Variants in CPA6 observed in about 807,000 individuals in gnomAD.
CPA6 encodes the protein carboxypeptidase B.
In CPA6, 58 loss-of-function variants were observed where a neutral mutation model predicts 63.3. The observed-to-expected ratio is 0.92, with a 90% CI of 0.74 to 1.14. The LOEUF (loss-of-function observed/expected upper bound fraction) is 1.14, where lower values mean the gene tolerates loss of function less well. Among genes scored for constraint, CPA6 ranks in the 50% most tolerant of loss-of-function variants. The pLI is 0.00. For missense variants in CPA6, 565 were observed against 526.6 expected (o/e 1.07, Z -0.71); for synonymous variants, 185 against 179.0 (o/e 1.03, Z -0.27).
At position 67,542,944 on chromosome 8, in the gene CPA6, T is replaced by G. The variant is rs575822004; in HGVS notation, c.193-24897A>C. On this transcript the variant is annotated intron_variant, in intron 2 of 10. Coordinates refer to ENST00000297770, the MANE Select transcript of CPA6 (RefSeq NM_020361.5). ...CCCCTTTCCATCAAACTGCTGCTAT[T>G]TACTAGAATAAGAACCTATATTAAC... Among the ~76,000 whole-genome samples the G allele has an allele frequency of 2.6e-5, 4 of 152,346 alleles. No individual in the cohort carries two copies. In the South Asian group the frequency reaches 8.3e-4, roughly 32 times the overall value.
chr8:67,632,734 A>T (rs1283276987), intron 1 of CPA6, among the ~76,000 whole-genome samples: 1 of 152,166 alleles, frequency 6.6e-6, no homozygotes, highest in Non-Finnish European at 1.5e-5. Context: ...AAGCAGTGAG[A>T]TGTATTTTGG....
At chr8:67,579,640 A>G (rs747539899) in intron 2 of CPA6, among the ~76,000 whole-genome samples, 3 of 152,244 alleles carry the variant, frequency 2.0e-5, no homozygotes, top group Non-Finnish European at 2.9e-5. Context: ...ATTCTAGGGT[A>G]GAAAGACTTT....
intron 2 of CPA6, among the ~76,000 whole-genome samples, chr8:67,523,083 C>T (rs1356941577): frequency 6.6e-6 from 1 of 152,226 alleles, no homozygotes; most frequent in Non-Finnish European, 1.5e-5. Context: ...GGGTTTGAAT[C>T]CCAGCTCTGC....
At chr8:67,654,079 C>A (rs1435900170) in intron 1 of CPA6, among the ~76,000 whole-genome samples, 1 of 152,078 alleles carries the variant, frequency 6.6e-6, no homozygotes, top group Non-Finnish European at 1.5e-5. Context: ...GCCTTGCATC[C>A]CAGGGATGAA....
chr8:67,578,582 G>A (rs937685999), intron 2 of CPA6, among the ~76,000 whole-genome samples: 1 of 151,888 alleles, frequency 6.6e-6, no homozygotes, highest in African/African-American at 2.4e-5. Flanking sequence ...CACCCTGTCT[G>A]CATCTGGTGT....
At chr8:67,545,384 T>C (rs1319926488) in intron 2 of CPA6, among the ~76,000 whole-genome samples, 1 of 152,120 alleles carries the variant, frequency 6.6e-6, no homozygotes, top group Non-Finnish European at 1.5e-5. Flanking sequence ...TACTTCCTGG[T>C]CTACCTTCCA....
At chr8:67,610,068 C>T (rs1814765374) in intron 2 of CPA6, among the ~76,000 whole-genome samples, 1 of 147,848 alleles carries the variant, frequency 6.8e-6, no homozygotes, top group South Asian at 2.2e-4. Flanking sequence ...ACAAAAACCC[C>T]CCAAAAACCA....
intron 1 of CPA6, among the ~76,000 whole-genome samples, chr8:67,648,262 T>G (rs1362275055): frequency 6.7e-6 from 1 of 150,012 alleles, no homozygotes; most frequent in African/African-American, 2.4e-5. Context: ...GATTAGGTTT[T>G]TTTTTTTTTT....
chr8:67,570,508 A>C (rs545021006), intron 2 of CPA6, among the ~76,000 whole-genome samples: 2 of 152,318 alleles, frequency 1.3e-5, no homozygotes, highest in East Asian at 1.9e-4. Flanking sequence ...GCTAAAATAA[A>C]TTACCAAGGG....
intron 1 of CPA6, among the ~76,000 whole-genome samples, chr8:67,692,407 T>G (rs555311154): frequency 6.6e-6 from 1 of 151,562 alleles, no homozygotes; most frequent in South Asian, 2.1e-4. Flanking sequence ...CTTGCTAAAG[T>G]GTGAACTATG....
chr8:67,599,067 C>G (rs559363395), intron 2 of CPA6, among the ~76,000 whole-genome samples: 1 of 152,062 alleles, frequency 6.6e-6, no homozygotes, highest in South Asian at 2.1e-4. Context: ...CTTTAAGCTA[C>G]CTGGTTTAAG....
At chr8:67,720,207 A>T (rs1817468463) in intron 1 of CPA6, among the ~76,000 whole-genome samples, 1 of 132,178 alleles carries the variant, frequency 7.6e-6, no homozygotes, top group Non-Finnish European at 1.5e-5. Context: ...AGCCAGGATG[A>T]GCCAGGAAAA....
chr8:67,710,754 G>T (rs1330710816), intron 1 of CPA6, among the ~76,000 whole-genome samples: 1 of 151,068 alleles, frequency 6.6e-6, no homozygotes, highest in African/African-American at 2.4e-5. Flanking sequence ...AGTCTGTTGG[G>T]GGGGGCTTAG....
intron 9 of CPA6, among the ~76,000 whole-genome samples, chr8:67,430,679 T>C (rs762343966): frequency 2.2e-4 from 34 of 152,150 alleles, no homozygotes; most frequent in Non-Finnish European, 4.1e-4. Context: ...AACAATGGCA[T>C]TGTTGACATC....
intron 2 of CPA6, among the ~76,000 whole-genome samples, chr8:67,519,986 CT>C (rs1323368819): frequency 6.6e-6 from 1 of 151,542 alleles, no homozygotes; most frequent in Non-Finnish European, 1.5e-5. Context: ...GGTTTCTTGC[CT>C]TTATAAGAAA....
chr8:67,681,345 G>A lies in CPA6; in HGVS notation c.117-57094C>T, dbSNP rs376011803. Reference sequence around the variant, plus strand: ...CTGCCTCAGCCTCCCGAGTAGCTGGGACTACAGGCGCCCGCCACCGTGCCC... The same window carrying A: ...CTGCCTCAGCCTCCCGAGTAGCTGGAACTACAGGCGCCCGCCACCGTGCCC... On this transcript the variant is annotated intron_variant, in intron 1 of 10. Coordinates refer to ENST00000297770, the MANE Select transcript of CPA6 (RefSeq NM_020361.5). Among the ~76,000 whole-genome samples, 604 of 149,820 alleles carry A rather than the reference G, an allele frequency of 4.0e-3. 5 individuals carry two copies. The highest frequency in any genetic ancestry group is 0.014 in the African/African-American group (582 of 40,428).
intron 2 of CPA6, among the ~76,000 whole-genome samples, chr8:67,567,904 A>G (rs1374363226): frequency 6.6e-6 from 1 of 152,176 alleles, no homozygotes; most frequent in Non-Finnish European, 1.5e-5. Flanking sequence ...CATAGGGGAA[A>G]GAGTGCAGTT....
intron 1 of CPA6, among the ~76,000 whole-genome samples, chr8:67,689,390 G>T (rs2128997091): frequency 6.6e-6 from 1 of 152,246 alleles, no homozygotes; most frequent in Non-Finnish European, 1.5e-5. Context: ...CAGGTAATGA[G>T]CACAGTGCCC....
chr8:67,686,537 G>T (rs1251697392), intron 1 of CPA6, among the ~76,000 whole-genome samples: 1 of 152,200 alleles, frequency 6.6e-6, no homozygotes, highest in Non-Finnish European at 1.5e-5. Context: ...TAACTTCTGG[G>T]CCTAGGGCTT....
Sources: gnomAD v4.1 joint callset for allele counts (sites outside exome capture counted in the v4.1 genomes callset) on GRCh38, gnomAD v4.1.1 for gene constraint, MANE v1.5 for transcripts, NCBI Gene and HGNC (gene_info 2026-07-23, HGNC 2026-07-21) for gene names.